The following ATM variants were observed in gnomAD, a reference collection of about 807,000 sequenced individuals.
ATM encodes the protein ATM serine/threonine kinase, also known as serine-protein kinase ATM.
Under a neutral mutation model 387.0 loss-of-function variants are expected in ATM, and 308 were observed. That is an observed-to-expected ratio of 0.80 (90% confidence interval 0.73 to 0.87). ATM has a LOEUF of 0.87. Among genes scored for constraint, ATM ranks in the 40% least tolerant of loss-of-function variants. The probability of loss-of-function intolerance (pLI) is 0.00; values close to 1 mark genes in which losing one functional copy is unlikely to be tolerated. For synonymous variants in ATM, 1,156 were observed against 1,187.3 expected, an observed-to-expected ratio of 0.97 and a Z score of 0.54; for missense variants, 3,312 against 3,560.9, an observed-to-expected ratio of 0.93 and a Z score of 1.78.
At chr11:108,232,525 TC>T (rs1359963332) in intron 4 of ATM, among the ~76,000 whole-genome samples, 2 of 132,692 alleles carry the variant, frequency 1.5e-5, no homozygotes, top group Admixed American at 8.4e-5. Context: ...TTGATTTCTC[TC>T]CTTTTTTTTT....
At chr11:108,241,738 CTTTCTTTTTTTTTTT>C (rs1229259118) in intron 5 of ATM, among the ~76,000 whole-genome samples, 1 of 82,090 alleles carries the variant, frequency 1.2e-5, no homozygotes, top group Non-Finnish European at 2.5e-5. Context: ...GTCTTTCTTT[CTTTCTTTTTTTTTTT>C]TTTTTTTTTT....
Position 108,256,255 on chromosome 11 carries a change from T to C in ATM, c.2165T>C (p.Leu722Ser). Residue 722 changes from leucine (L) to serine (S), a missense_variant, in exon 14 of 63, where the codon TTG becomes TCG. Transcript: ENST00000675843. ...SETLVRCSRL[L>S]VGVLGCYCYM... ...ACTCTTGTCCGGTGTTCACGTCTTT[T>C]GGTGGGTGTCCTTGGCTGCTACTGT... The C allele has an allele frequency of 1.2e-6, 2 of 1,610,312 alleles. No individual in the cohort carries two copies. Among genetic ancestry groups the C allele is most frequent in the Middle Eastern group, 3.3e-4 (2 of 6,042 alleles).
At chr11:108,360,222 T>TA (rs1383583216) in intron 61 of ATM, among the ~76,000 whole-genome samples, 1 of 150,412 alleles carries the variant, frequency 6.6e-6, no homozygotes, top group Non-Finnish European at 1.5e-5. Flanking sequence ...CCTCGACACA[T>TA]ACACTCTCCC....
intron 32 of ATM, chr11:108,297,059 C>T (rs1396931666): frequency 1.2e-5 from 6 of 505,898 alleles, no homozygotes; most frequent in African/African-American, 1.9e-5. Context: ...TTGTTTAAGA[C>T]ATTTTATTTT....
intron 37 of ATM, among the ~76,000 whole-genome samples, chr11:108,306,961 CCCTTAGCAT>C (rs1365960709): frequency 6.6e-6 from 1 of 152,134 alleles, no homozygotes; most frequent in African/African-American, 2.4e-5. Flanking sequence ...TTTCTCTCTG[CCCTTAGCAT>C]CCTTACTGCT....
Position 108,250,683 on chromosome 11 carries a change from C to CTTTTTTTTTT in ATM, c.1236-12_1236-3dup. 1.3e-6 allele frequency: 2 copies of CTTTTTTTTTT among 1,505,082 alleles called. No homozygotes were observed. The highest frequency in any genetic ancestry group is 1.2e-5 in the South Asian group (1 of 83,592). The allele number at this position is 1,505,082 out of a possible 1,614,324, so 93.2% of individuals were successfully genotyped here. A position where few individuals can be genotyped will look rare whatever the true frequency, so the allele number is the denominator to read the frequency against. ...GTGATGGAATAGTTTTCAAATTATC[C>CTTTTTTTTTT]TTTTTTTTTTTTTTTAGGCTACAGA... On this transcript the variant is annotated splice_polypyrimidine_tract_variant and intron_variant, in intron 9 of 62. Transcript: ENST00000675843.
chr11:108,314,876 G>GT (rs1565497291), intron 40 of ATM, among the ~76,000 whole-genome samples: 1 of 152,168 alleles, frequency 6.6e-6, no homozygotes, highest in Non-Finnish European at 1.5e-5. Flanking sequence ...TATCAATACC[G>GT]TAAGTTTATA....
intron 12 of ATM, 23 bp from the exon 13 acceptor site, chr11:108,253,791 T>C: frequency 6.3e-7 from 1 of 1,584,552 alleles, no homozygotes; most frequent in African/African-American, 1.3e-5. Flanking sequence ...GGTTTATATA[T>C]TAAAGATCTT....
In ATM at chr11:108,317,518, T is replaced by A. The variant is rs2136170719; in HGVS notation, c.6344T>A (p.Val2115Asp). The A allele has an allele frequency of 6.2e-7, 1 of 1,604,516 alleles. No homozygotes were observed. Among genetic ancestry groups the A allele is most frequent in the South Asian group, 1.1e-5 (1 of 90,684 alleles). ...ATGCAGTGGGACCATTGCACTTCCG[T>A]CAGGTAAGAAATTTGACTTGATTTT... ...RNMQWDHCTSVSKEVEGTSYH... is the reference protein window; with the variant it reads ...RNMQWDHCTSDSKEVEGTSYH... The change falls in exon 43 of 63, where the codon GTC (valine) becomes GAC (aspartate). Residue 2115 changes from valine to aspartate, a missense_variant. Val to Asp is a radical substitution (Grantham distance 152). Around this residue, in one of 4 missense-constraint regions of ATM, gnomAD observed 1,405 missense variants for 1,604.4 expected, o/e 0.88. Transcript: ENST00000675843.
intron 5 of ATM, 104 bp from the exon 6 acceptor site, chr11:108,243,849 T>C: frequency 6.3e-6 from 7 of 1,109,376 alleles, no homozygotes; most frequent in Non-Finnish European, 7.6e-6. Flanking sequence ...AGTTTTAAAA[T>C]CCTTTTTCTG....
intron 29 of ATM, chr11:108,290,638 C>CAAAAAAAAA (rs10603787): frequency 8.7e-5 from 6 of 68,672 alleles, no homozygotes; most frequent in East Asian, 5.1e-4. Context: ...ACTCTTGTCT[C>CAAAAAAAAA]AAAAAAAAAA....
At chr11:108,277,431 G>T (rs577169833) in intron 22 of ATM, among the ~76,000 whole-genome samples, 3 of 152,282 alleles carry the variant, frequency 2.0e-5, no homozygotes, top group South Asian at 4.1e-4. Context: ...CACTCTTGCA[G>T]CTAGCTCAGT....
chr11:108,261,002 C>T (rs542253740), intron 16 of ATM, among the ~76,000 whole-genome samples: 11 of 152,056 alleles, frequency 7.2e-5, no homozygotes, highest in East Asian at 5.8e-4. Context: ...CACGGAGTCT[C>T]GCTGATTGCT....
chr11:108,269,816 C>T (rs934593390), intron 18 of ATM, among the ~76,000 whole-genome samples: 26 of 152,180 alleles, frequency 1.7e-4, no homozygotes, highest in African/African-American at 5.5e-4. Flanking sequence ...TGAAAATGCA[C>T]GTCAATCCCT....
chr11:108,305,826 T>G (rs4988051), intron 37 of ATM, among the ~76,000 whole-genome samples: 2,161 of 152,294 alleles, frequency 0.014, 59 homozygotes, highest in African/African-American at 0.048. Flanking sequence ...TTTTTAAACC[T>G]AAATTTTATA....
At chr11:108,320,204 T>G (rs2085102265) in intron 44 of ATM, 146 bp downstream of exon 44, 5 of 666,216 alleles carry the variant, frequency 7.5e-6, no homozygotes, top group Non-Finnish European at 1.3e-5. Context: ...TTCCTTGTAA[T>G]TCTCTGCCCT....
Position 108,315,888 on chromosome 11 carries a change from G to C in ATM, c.6072G>C (p.Gly2024=), listed in dbSNP as rs1591777129. 2.5e-6 allele frequency: 4 copies of C among 1,612,620 alleles called. No homozygotes were observed. The highest frequency in any genetic ancestry group is 3.4e-6 in the Non-Finnish European group (4 of 1,178,666). ...EPDSLYGCGG[G]KMLQPITRLR... is the part of the protein sequence containing the mutation. Reference sequence around the variant, plus strand: ...ATAGTTTGTATGGCTGTGGTGGAGGGAAGATGTTACAACCCATTACTAGGT... The same window carrying C: ...ATAGTTTGTATGGCTGTGGTGGAGGCAAGATGTTACAACCCATTACTAGGT... The change falls in exon 41 of 63, where the codon GGG becomes GGC. Residue 2024 remains glycine (G), a synonymous_variant. Coordinates refer to ENST00000675843, the MANE Select transcript of ATM (RefSeq NM_000051.4).
At chr11:108,257,276 A>G (rs1011533231) in intron 14 of ATM, among the ~76,000 whole-genome samples, 16 of 152,250 alleles carry the variant, frequency 1.1e-4, no homozygotes, top group African/African-American at 3.4e-4. Context: ...AGAACAGAGT[A>G]TAAGATTTGC....
In ATM at chr11:108,229,288, G is replaced by A. The variant is rs2078891183; in HGVS notation, c.296G>A (p.Ser99Asn). The A allele has an allele frequency of 6.2e-7, 1 of 1,613,104 alleles. No homozygotes were observed. Among genetic ancestry groups the A allele is most frequent in the Non-Finnish European group, 8.5e-7 (1 of 1,179,494 alleles). The change falls in exon 4 of 63, where the codon AGT (serine) becomes AAT (asparagine). Residue 99 changes from serine (S) to asparagine (N), a missense_variant. Ser to Asn is a conservative substitution (Grantham distance 46, BLOSUM62 1). Coordinates refer to ENST00000675843, the MANE Select transcript of ATM (RefSeq NM_000051.4). The part of the protein sequence containing the change: ...SRQKKMQEIS[S>N]LVKYFIKCAN... The stretch of plus-strand genomic sequence containing the variant: ...CAGAAAAAGATGCAGGAAATCAGTA[G>A]TTTGGTCAAATACTTCATCAAATGT...
Sources: gnomAD v4.1 joint callset for allele counts (sites outside exome capture counted in the v4.1 genomes callset) on GRCh38, gnomAD v4.1.1 for gene constraint, gnomAD v4.1.1 regional missense constraint, MANE v1.5 for transcripts, NCBI Gene and HGNC (gene_info 2026-07-23, HGNC 2026-07-21) for gene names.